The following DAB1 variants were observed in gnomAD, a reference collection of about 807,000 sequenced individuals.
DAB1 encodes DAB adaptor protein 1, also known as disabled homolog 1.
DAB1 carries 15 observed loss-of-function variants against 64.6 expected under a neutral mutation model. The observed-to-expected ratio is 0.23, with a 90% CI of 0.16 to 0.36. The LOEUF is 0.36. Among genes scored for constraint, DAB1 ranks in the 10% least tolerant of loss-of-function variants. The pLI, the probability that DAB1 is intolerant of heterozygous loss-of-function variation, is 1.00. For missense variants in DAB1, 596 were observed against 706.7 expected, an observed-to-expected ratio of 0.84 and a Z score of 1.78; for synonymous variants, 235 against 251.9, an observed-to-expected ratio of 0.93 and a Z score of 0.64.
At chr1:57,599,083 GACCC>G (rs1470094357) in intron 7 of DAB1, among the ~76,000 whole-genome samples, 22 of 148,998 alleles carry the variant, frequency 1.5e-4, no homozygotes, top group Non-Finnish European at 2.7e-4. Context: ...CAGCCACCAA[GACCC>G]ACCATAGAAT....
At chr1:58,279,701 A>G (rs1451948509) in intron 4 of DAB1, among the ~76,000 whole-genome samples, 3 of 152,184 alleles carry the variant, frequency 2.0e-5, no homozygotes, top group Non-Finnish European at 4.4e-5. Flanking sequence ...CTTTCTTCTC[A>G]GAACTCTGCT....
chr1:57,093,206 C>T (rs917789191), intron 4 of DAB1, among the ~76,000 whole-genome samples: 3 of 152,258 alleles, frequency 2.0e-5, no homozygotes, highest in Admixed American at 1.3e-4. Flanking sequence ...GGTGGCTGCT[C>T]GTCACCTCCG....
At chr1:57,120,417 C>T (rs1409845006) in intron 4 of DAB1, among the ~76,000 whole-genome samples, 1 of 152,136 alleles carries the variant, frequency 6.6e-6, no homozygotes, top group East Asian at 1.9e-4. Context: ...AGGTATGCTG[C>T]CACTAAACAC....
chr1:57,908,262 C>T (rs1316060497), intron 5 of DAB1, among the ~76,000 whole-genome samples: 2 of 152,132 alleles, frequency 1.3e-5, no homozygotes, highest in East Asian at 1.9e-4. Context: ...GAGACCTCCA[C>T]CCTCCTGCCT....
At chr1:57,926,129 C>T (rs1437452023) in intron 5 of DAB1, among the ~76,000 whole-genome samples, 4 of 152,164 alleles carry the variant, frequency 2.6e-5, no homozygotes, top group African/African-American at 4.8e-5. Context: ...ATATGATTGA[C>T]GGCCTGGGTG....
At chr1:57,138,802 T>G (rs1224452297) in intron 3 of DAB1, among the ~76,000 whole-genome samples, 1 of 152,228 alleles carries the variant, frequency 6.6e-6, no homozygotes, top group Non-Finnish European at 1.5e-5. Flanking sequence ...CCTTTGTTTT[T>G]CCTGCTTCAA....
chr1:58,194,909 C>T (rs1230992136), intron 4 of DAB1, among the ~76,000 whole-genome samples: 1 of 152,174 alleles, frequency 6.6e-6, no homozygotes, highest in East Asian at 1.9e-4. Context: ...CAACCCGTGG[C>T]CATACTAGTC....
intron 4 of DAB1, among the ~76,000 whole-genome samples, chr1:57,105,632 C>G (rs983418218): frequency 2.0e-5 from 3 of 152,156 alleles, no homozygotes; most frequent in African/African-American, 7.2e-5. Context: ...TTCTCATTTT[C>G]ATGTAAATCA....
chr1:57,621,994 C>T (rs1374820925), intron 7 of DAB1, among the ~76,000 whole-genome samples: 1 of 152,118 alleles, frequency 6.6e-6, no homozygotes, highest in Non-Finnish European at 1.5e-5. Flanking sequence ...AGCAGTCCTG[C>T]AGTAGCTTAA....
At chr1:57,530,816 T>C (rs146854149) in intron 7 of DAB1, among the ~76,000 whole-genome samples, 10 of 152,250 alleles carry the variant, frequency 6.6e-5, no homozygotes, top group Non-Finnish European at 1.2e-4. Flanking sequence ...AATTAAATGA[T>C]ACAGGAAGGC....
chr1:57,237,782 A>T (rs1668199493), intron 2 of DAB1, among the ~76,000 whole-genome samples: 1 of 152,236 alleles, frequency 6.6e-6, no homozygotes, highest in Non-Finnish European at 1.5e-5. Flanking sequence ...AGAGGTTTGC[A>T]CTTGAAAACC....
intron 5 of DAB1, among the ~76,000 whole-genome samples, chr1:58,035,307 G>C (rs148083460): frequency 6.6e-6 from 1 of 152,216 alleles, no homozygotes; most frequent in Non-Finnish European, 1.5e-5. Flanking sequence ...TATGCCCAAC[G>C]GGCCCTCCCT....
chr1:58,181,480 TA>T (rs1656790438), intron 4 of DAB1, among the ~76,000 whole-genome samples: 1 of 152,134 alleles, frequency 6.6e-6, no homozygotes, highest in African/African-American at 2.4e-5. Flanking sequence ...TGCATTTTGA[TA>T]CTTTTTTGTA....
intron 1 of DAB1, among the ~76,000 whole-genome samples, chr1:58,535,368 G>A (rs1646499882): frequency 6.6e-6 from 1 of 152,052 alleles, no homozygotes; most frequent in Non-Finnish European, 1.5e-5. Context: ...TTTAGGAGGT[G>A]GGCAGATCAC....
intron 9 of DAB1, among the ~76,000 whole-genome samples, chr1:57,046,008 C>A (rs1485037289): frequency 6.6e-6 from 1 of 152,178 alleles, no homozygotes; most frequent in African/African-American, 2.4e-5. Flanking sequence ...CTCTCCTTAG[C>A]ATCTCAACCT....
intron 6 of DAB1, among the ~76,000 whole-genome samples, chr1:57,731,685 A>G (rs749888633): frequency 3.3e-5 from 5 of 151,980 alleles, no homozygotes; most frequent in Admixed American, 6.6e-5. Context: ...CATGTCTGTA[A>G]TCCCAGTTAC....
chr1:57,551,913 C>T (rs1298179262), intron 7 of DAB1, among the ~76,000 whole-genome samples: 2 of 152,166 alleles, frequency 1.3e-5, no homozygotes, highest in Non-Finnish European at 2.9e-5. Context: ...TGTTCTAAGG[C>T]AGGCTTTGGA....
rs1056579629 is a variant in DAB1, at chr1:57,188,149, A to C, written c.68-42720T>G. Among the ~76,000 whole-genome samples the C allele has an allele frequency of 3.3e-5, 5 of 152,302 alleles. No homozygotes were observed. In the East Asian group the frequency reaches 5.8e-4, roughly 18 times the overall value. The stretch of plus-strand genomic sequence containing the variant: ...AGGGCCCAGGTTTCTTTCTCGAGTC[A>C]CTGATTAATGAAACAGTTTCTACCA... On this transcript the variant is annotated intron_variant, in intron 2 of 14. Coordinates refer to ENST00000371236, the MANE Select transcript of DAB1 (RefSeq NM_001365792.1).
intron 7 of DAB1, among the ~76,000 whole-genome samples, chr1:57,452,440 A>C (rs2101157362): frequency 6.6e-6 from 1 of 152,150 alleles, no homozygotes; most frequent in East Asian, 1.9e-4. Flanking sequence ...TTTTTCCAGG[A>C]CAGACAAGTT....
Sources: gnomAD v4.1 joint callset for allele counts (sites outside exome capture counted in the v4.1 genomes callset) on GRCh38, gnomAD v4.1.1 for gene constraint, MANE v1.5 for transcripts, NCBI Gene and HGNC (gene_info 2026-07-23, HGNC 2026-07-21) for gene names.